Variants in PCDH15 observed in about 807,000 individuals in gnomAD.
The protein encoded by PCDH15 is protocadherin related 15.
A neutral mutation model predicts 178.5 loss-of-function variants in PCDH15; 129 were observed. The observed-to-expected ratio is 0.72, with a 90% CI of 0.63 to 0.84. The LOEUF is 0.84. Ranked by LOEUF, PCDH15 falls within the 40% of genes least tolerant of loss-of-function variation. The pLI is 0.00. For synonymous variants in PCDH15, 800 were observed against 732.0 expected, an observed-to-expected ratio of 1.09 and a Z score of -1.50; for missense variants, 2,230 against 2,099.9, an observed-to-expected ratio of 1.06 and a Z score of -1.21.
intron 13 of PCDH15, among the ~76,000 whole-genome samples, chr10:54,175,826 G>T (rs1390408292): frequency 1.3e-5 from 2 of 151,916 alleles, no homozygotes; most frequent in African/African-American, 4.8e-5. Flanking sequence ...AAATAATTAT[G>T]TTCAAAGTTT....
intron 2 of PCDH15, among the ~76,000 whole-genome samples, chr10:55,331,014 C>T (rs540173391): frequency 6.6e-6 from 1 of 151,874 alleles, no homozygotes; most frequent in Admixed American, 6.6e-5. Context: ...TAAAATTATG[C>T]CTGACATGTT....
At chr10:54,518,563 T>C (rs1448468447) in intron 3 of PCDH15, among the ~76,000 whole-genome samples, 3 of 152,186 alleles carry the variant, frequency 2.0e-5, no homozygotes. Flanking sequence ...ATTGTGGCAA[T>C]AATCAATAGC....
At chr10:54,055,662 T>A (rs1325528978) in intron 18 of PCDH15, among the ~76,000 whole-genome samples, 3 of 152,076 alleles carry the variant, frequency 2.0e-5, no homozygotes, top group Non-Finnish European at 4.4e-5. Context: ...CTACCTCCAC[T>A]TCCCTCCCCC....
chr10:54,887,844 C>T (rs1331492774), intron 3 of PCDH15, among the ~76,000 whole-genome samples: 1 of 151,990 alleles, frequency 6.6e-6, no homozygotes, highest in African/African-American at 2.4e-5. Flanking sequence ...AAAATGATAA[C>T]TTATTTCCAT....
intron 21 of PCDH15, among the ~76,000 whole-genome samples, chr10:53,974,104 G>A (rs934358047): frequency 2.6e-5 from 4 of 152,132 alleles, no homozygotes; most frequent in South Asian, 2.1e-4. Context: ...TGCAACCTCC[G>A]CCTCCCAGGC....
intron 8 of PCDH15, among the ~76,000 whole-genome samples, chr10:54,285,926 C>A (rs142481952): frequency 2.7e-4 from 41 of 152,170 alleles, no homozygotes; most frequent in African/African-American, 9.4e-4. Context: ...CATAAAAGAA[C>A]CTGAAATGAA....
rs55738634 is a variant in PCDH15 at position 53,957,503 on chromosome 10, G to GTTT, written c.3122+2226_3122+2228dup. Among the ~76,000 whole-genome samples the GTTT allele has an allele frequency of 1.1e-4, 15 of 140,598 alleles. 1 individual carries two copies. The highest frequency in any genetic ancestry group is 3.1e-4 in the African/African-American group (12 of 38,404). 92.2% of individuals were successfully genotyped at this position (140,598 alleles called of 152,430 possible). ...TGACACCAAAGCCTATATTTACTAT[G>GTTT]TTTTTTTTTTTTTCCTGATAACCCA... On this transcript the variant is annotated intron_variant, in intron 23 of 37. Transcript: ENST00000644397.
At chr10:54,458,111 T>C (rs971114261) in intron 3 of PCDH15, among the ~76,000 whole-genome samples, 1 of 152,222 alleles carries the variant, frequency 6.6e-6, no homozygotes, top group Non-Finnish European at 1.5e-5. Flanking sequence ...TCTTTCCATA[T>C]GCTTTTCTTT....
At chr10:54,691,388 A>G (rs949886788) in intron 1 of PCDH15, among the ~76,000 whole-genome samples, 3 of 152,038 alleles carry the variant, frequency 2.0e-5, no homozygotes, top group African/African-American at 7.2e-5. Context: ...TCAGCTGTAA[A>G]CCACCTCAGC....
intron 2 of PCDH15, among the ~76,000 whole-genome samples, chr10:54,599,233 A>G (rs1323005047): frequency 6.6e-6 from 1 of 152,190 alleles, no homozygotes; most frequent in Non-Finnish European, 1.5e-5. Context: ...AGCCGGAGGC[A>G]TCATGCTACC....
At chr10:53,809,843 C>T (rs1466197686) in intron 37 of PCDH15, among the ~76,000 whole-genome samples, 2 of 152,168 alleles carry the variant, frequency 1.3e-5, no homozygotes, top group Non-Finnish European at 2.9e-5. Context: ...GAATTATTGT[C>T]TCTTCCTTCC....
intron 8 of PCDH15, among the ~76,000 whole-genome samples, chr10:54,306,511 T>G (rs2060480150): frequency 6.6e-6 from 1 of 152,034 alleles, no homozygotes; most frequent in African/African-American, 2.4e-5. Context: ...CTCAGTTTTT[T>G]GAGGGAGGTC....
intron 3 of PCDH15, among the ~76,000 whole-genome samples, chr10:54,813,364 G>A (rs969617195): frequency 6.6e-6 from 1 of 152,050 alleles, no homozygotes; most frequent in African/African-American, 2.4e-5. Flanking sequence ...TCTCCATGTG[G>A]TTATACCAGA....
intron 23 of PCDH15, among the ~76,000 whole-genome samples, chr10:53,946,245 G>T (rs769049933): frequency 1.3e-5 from 2 of 152,250 alleles, no homozygotes; most frequent in African/African-American, 2.4e-5. Flanking sequence ...TGCAGTGGAG[G>T]GAAGCATTTG....
chr10:54,347,682 A>G (rs373548478), intron 5 of PCDH15, among the ~76,000 whole-genome samples: 101 of 151,998 alleles, frequency 6.6e-4, no homozygotes, highest in African/African-American at 1.8e-3. Context: ...TAGATAGAAC[A>G]TGCCCTCTCT....
intron 1 of PCDH15, among the ~76,000 whole-genome samples, chr10:54,787,308 AT>A (rs1259637908): frequency 6.6e-6 from 1 of 151,970 alleles, no homozygotes. Flanking sequence ...ATCTTAATGT[AT>A]GCTTTGTGAC....
At chr10:54,880,066 T>TCAGA (rs1257658147) in intron 3 of PCDH15, among the ~76,000 whole-genome samples, 2 of 152,116 alleles carry the variant, frequency 1.3e-5, no homozygotes, top group Non-Finnish European at 2.9e-5. Context: ...CAAATTAAAA[T>TCAGA]CCTGATTCAA....
At chr10:55,334,908 T>C (rs1232463922) in intron 2 of PCDH15, among the ~76,000 whole-genome samples, 1 of 152,232 alleles carries the variant, frequency 6.6e-6, no homozygotes, top group Non-Finnish European at 1.5e-5. Flanking sequence ...TATTAGATTA[T>C]ACCTCCTCAT....
At chr10:55,056,129 C>G (rs951612591) in intron 2 of PCDH15, among the ~76,000 whole-genome samples, 1 of 152,184 alleles carries the variant, frequency 6.6e-6, no homozygotes, top group Non-Finnish European at 1.5e-5. Flanking sequence ...AAAGCATTCA[C>G]TTAGCAATTT....
Sources: allele counts gnomAD v4.1 joint callset (sites outside exome capture counted in the v4.1 genomes callset), GRCh38; gene constraint gnomAD v4.1.1; transcripts MANE v1.5; gene names NCBI Gene and HGNC (gene_info 2026-07-23, HGNC 2026-07-21).